The following PTPRD variants were observed in gnomAD, a reference collection of about 807,000 sequenced individuals.
PTPRD encodes receptor-type tyrosine-protein phosphatase delta.
PTPRD carries 34 observed loss-of-function variants against 214.5 expected under a neutral mutation model. The ratio of observed to expected loss-of-function variants is 0.16; its 90% CI spans 0.12 to 0.21. The LOEUF is 0.21. Ranked by LOEUF, PTPRD falls within the 10% of genes least tolerant of loss-of-function variation. The pLI is 1.00. For missense variants in PTPRD, 2,545 were observed against 2,398.7 expected (o/e 1.06, Z -1.27); for synonymous variants, 1,128 against 845.7 (o/e 1.33, Z -5.79).
intron 6 of PTPRD, among the ~76,000 whole-genome samples, chr9:9,754,075 G>C (rs541621471): frequency 1.3e-5 from 2 of 152,166 alleles, no homozygotes; most frequent in East Asian, 1.9e-4. Context: ...CTTATTAGCA[G>C]AATGCTAGAC....
At chr9:10,482,610 G>T (rs1431537934) in intron 2 of PTPRD, among the ~76,000 whole-genome samples, 1 of 151,988 alleles carries the variant, frequency 6.6e-6, no homozygotes, top group Admixed American at 6.6e-5. Context: ...AATGAATTCA[G>T]AAAAGTTTCA....
chr9:8,322,681 T>C (rs879330565), intron 44 of PTPRD, among the ~76,000 whole-genome samples: 1 of 152,188 alleles, frequency 6.6e-6, no homozygotes, highest in Non-Finnish European at 1.5e-5. Context: ...TTACAGAAGC[T>C]GTAGCAAGTT....
At chr9:9,916,943 A>G (rs2081011520) in intron 5 of PTPRD, among the ~76,000 whole-genome samples, 1 of 151,936 alleles carries the variant, frequency 6.6e-6, no homozygotes, top group Non-Finnish European at 1.5e-5. Flanking sequence ...ATGGAAATTA[A>G]ACAACATGTT....
chr9:9,156,751 T>C (rs888591159), intron 10 of PTPRD, among the ~76,000 whole-genome samples: 3 of 151,878 alleles, frequency 2.0e-5, no homozygotes, highest in African/African-American at 7.2e-5. Flanking sequence ...TCAAAAATCT[T>C]AGAGTCTTCT....
intron 2 of PTPRD, among the ~76,000 whole-genome samples, chr9:10,405,599 T>C (rs2098341412): frequency 6.6e-6 from 1 of 151,622 alleles, no homozygotes; most frequent in African/African-American, 2.4e-5. Flanking sequence ...ATCTTCTCAA[T>C]CACTTATATA....
chr9:9,434,504 C>G (rs1357726572), intron 8 of PTPRD, among the ~76,000 whole-genome samples: 1 of 152,088 alleles, frequency 6.6e-6, no homozygotes, highest in South Asian at 2.1e-4. Flanking sequence ...AACTTCTTCA[C>G]AGAAATAGAA....
At chr9:9,011,655 T>C (rs1364652879) in intron 11 of PTPRD, among the ~76,000 whole-genome samples, 2 of 152,180 alleles carry the variant, frequency 1.3e-5, no homozygotes, top group Non-Finnish European at 2.9e-5. Context: ...AGTGGTACTT[T>C]AGTAAACTAG....
At chr9:9,984,085 T>C (rs115503860) in intron 4 of PTPRD, among the ~76,000 whole-genome samples, 4,141 of 152,210 alleles carry the variant, frequency 0.027, 105 homozygotes, top group African/African-American at 0.064. Flanking sequence ...ATACTGTTTT[T>C]TCTCATTTTA....
At chr9:9,300,092 T>G (rs1954710133) in intron 9 of PTPRD, among the ~76,000 whole-genome samples, 2 of 151,004 alleles carry the variant, frequency 1.3e-5, no homozygotes, top group East Asian at 2.0e-4. Context: ...CATATTCTCC[T>G]CACTAGACAT....
intron 14 of PTPRD, among the ~76,000 whole-genome samples, chr9:8,546,008 C>T (rs1001884655): frequency 1.3e-5 from 2 of 152,156 alleles, no homozygotes; most frequent in African/African-American, 2.4e-5. Context: ...CTTTAGTTTT[C>T]ATAAGAAGAT....
intron 5 of PTPRD, among the ~76,000 whole-genome samples, chr9:9,932,642 G>T (rs1333055678): frequency 8.7e-6 from 1 of 114,970 alleles, no homozygotes; most frequent in Non-Finnish European, 1.7e-5. Context: ...AACCAAGTTG[G>T]AAAACACTCT....
At chr9:9,367,027 T>C (rs1445411391) in intron 9 of PTPRD, among the ~76,000 whole-genome samples, 1 of 150,798 alleles carries the variant, frequency 6.6e-6, no homozygotes, top group Non-Finnish European at 1.5e-5. Flanking sequence ...TGTAATACAT[T>C]GAAAAATGAT....
chr9:9,099,718 T>C (rs2099788697), intron 10 of PTPRD, among the ~76,000 whole-genome samples: 1 of 152,188 alleles, frequency 6.6e-6, no homozygotes, highest in African/African-American at 2.4e-5. Flanking sequence ...CGCTGTGTAA[T>C]GGAAGTGAGG....
At chr9:10,100,889 T>C (rs1426040429) in intron 3 of PTPRD, among the ~76,000 whole-genome samples, 1 of 151,460 alleles carries the variant, frequency 6.6e-6, no homozygotes, top group Non-Finnish European at 1.5e-5. Flanking sequence ...AAGAAACAAA[T>C]ACTAAAAGAG....
intron 7 of PTPRD, among the ~76,000 whole-genome samples, chr9:9,682,492 T>C (rs2154398188): frequency 6.6e-6 from 1 of 151,894 alleles, no homozygotes; most frequent in East Asian, 1.9e-4. Flanking sequence ...CATTGTTTTA[T>C]TTATGGTAGG....
chr9:10,408,081 T>C (rs1356663732), intron 2 of PTPRD, among the ~76,000 whole-genome samples: 2 of 151,610 alleles, frequency 1.3e-5, no homozygotes, highest in African/African-American at 4.8e-5. Context: ...ACTATGGTGA[T>C]GAACCCCATG....
In PTPRD at chr9:10,394,173, T is replaced by G. The variant is rs1027061296; in HGVS notation, c.-599-53156A>C. On this transcript the variant is annotated intron_variant, in intron 2 of 45. Coordinates refer to ENST00000381196, the MANE Select transcript of PTPRD (RefSeq NM_002839.4). Reference sequence around the variant, plus strand: ...CTATATATATAGATATATATACATATATATCTATATATAAAGATATATATA... The same window carrying G: ...CTATATATATAGATATATATACATAGATATCTATATATAAAGATATATATA... 1.3e-3 allele frequency among the ~76,000 whole-genome samples: 188 copies of G among 140,570 alleles called. 1 individual carries two copies. Among genetic ancestry groups the G allele is most frequent in the African/African-American group, 4.5e-3 (162 of 35,912 alleles). 92.2% of individuals were successfully genotyped at this position (140,570 alleles called of 152,430 possible).
At chr9:8,819,650 G>A (rs576735775) in intron 11 of PTPRD, among the ~76,000 whole-genome samples, 7 of 152,212 alleles carry the variant, frequency 4.6e-5, no homozygotes, top group Admixed American at 3.3e-4. Context: ...AACAGAGCAA[G>A]ACTCTGGATC....
chr9:10,332,598 T>G (rs1232828606), intron 3 of PTPRD, among the ~76,000 whole-genome samples: 15 of 151,820 alleles, frequency 9.9e-5, no homozygotes, highest in Non-Finnish European at 2.9e-5. Flanking sequence ...ATATAACGTG[T>G]ACTACCTACA....
Sources: gnomAD v4.1 joint callset for allele counts (sites outside exome capture counted in the v4.1 genomes callset) on GRCh38, gnomAD v4.1.1 for gene constraint, MANE v1.5 for transcripts, NCBI Gene and HGNC (gene_info 2026-07-23, HGNC 2026-07-21) for gene names.